The following CNTN5 variants were observed in gnomAD, a reference collection of about 807,000 sequenced individuals.
The protein encoded by CNTN5 is contactin 5.
In CNTN5, 77 loss-of-function variants were observed where a neutral mutation model predicts 129.1. The ratio of observed to expected loss-of-function variants is 0.60; its 90% CI spans 0.50 to 0.72. CNTN5 has a LOEUF of 0.72. Among genes scored for constraint, CNTN5 ranks in the 30% least tolerant of loss-of-function variants. The probability of loss-of-function intolerance (pLI) is 0.00; values close to 1 mark genes in which losing one functional copy is unlikely to be tolerated. For missense variants in CNTN5, 1,478 were observed against 1,328.8 expected (o/e 1.11, Z -1.75); for synonymous variants, 509 against 465.6 (o/e 1.09, Z -1.20).
intron 3 of CNTN5, among the ~76,000 whole-genome samples, chr11:99,803,580 G>A (rs1946178807): frequency 6.6e-6 from 1 of 152,178 alleles, no homozygotes; most frequent in Admixed American, 6.5e-5. Flanking sequence ...TTTTGCTGGT[G>A]TCTTTTCCTG....
intron 1 of CNTN5, among the ~76,000 whole-genome samples, chr11:99,198,579 A>G (rs1205360950): frequency 2.6e-5 from 4 of 152,162 alleles, no homozygotes; most frequent in East Asian, 1.9e-4. Context: ...TTAACAACAA[A>G]AAAAGAAAAG....
chr11:99,416,079 G>A (rs193282828), intron 2 of CNTN5, among the ~76,000 whole-genome samples: 79 of 152,268 alleles, frequency 5.2e-4, no homozygotes, highest in African/African-American at 1.8e-3. Flanking sequence ...TTCAGTGGCA[G>A]CTCACTGGCA....
intron 4 of CNTN5, among the ~76,000 whole-genome samples, chr11:99,827,252 T>C (rs1041363835): frequency 1.3e-5 from 2 of 152,106 alleles, no homozygotes; most frequent in African/African-American, 4.8e-5. Context: ...CACACTCAGC[T>C]AATTTTTGTG....
At chr11:99,844,673 G>A in intron 4 of CNTN5, 179 bp from the exon 5 acceptor site, 1 of 594,734 alleles carries the variant, frequency 1.7e-6, no homozygotes, top group African/African-American at 1.9e-5. Context: ...AATTATATTT[G>A]GTTCTTTACA....
chr11:100,230,160 A>T (rs887193486), intron 16 of CNTN5, among the ~76,000 whole-genome samples: 1 of 152,226 alleles, frequency 6.6e-6, no homozygotes, highest in Non-Finnish European at 1.5e-5. Context: ...ATTATTTTTC[A>T]ATATTTTTGA....
chr11:99,639,848 G>A (rs1395240746), intron 3 of CNTN5, among the ~76,000 whole-genome samples: 3 of 152,060 alleles, frequency 2.0e-5, no homozygotes, highest in African/African-American at 7.2e-5. Flanking sequence ...ACCGGTGTGA[G>A]CCACCACGTC....
rs562839890 is a variant in CNTN5 at position 100,250,003 on chromosome 11, G to A, written c.2006-5757G>A. 7.2e-5 allele frequency among the ~76,000 whole-genome samples: 11 copies of A among 152,034 alleles called. No homozygotes were observed. In the East Asian group the frequency reaches 1.4e-3, roughly 19 times the overall value. Reference sequence around the variant, plus strand: ...TAATGTCTCTTAGAAGGTAAATCACGCTGCCAATTATTCAGAATATCTGTA... The same window carrying A: ...TAATGTCTCTTAGAAGGTAAATCACACTGCCAATTATTCAGAATATCTGTA... On this transcript the variant is annotated intron_variant, in intron 16 of 24. Transcript: ENST00000524871.
chr11:99,762,835 C>G (rs1386971006), intron 3 of CNTN5, among the ~76,000 whole-genome samples: 9 of 152,076 alleles, frequency 5.9e-5, no homozygotes, highest in African/African-American at 1.9e-4. Context: ...AAGTGGTAGG[C>G]AGACAGAAAG....
chr11:99,255,225 G>A lies in CNTN5; in HGVS notation c.-209-70121G>A, dbSNP rs74578610. ...ATGCCAGAAAAGAGTTAATGATTTG[G>A]GGATGATTATTTTTAAAATATATCC... is the stretch of plus-strand genomic sequence containing the variant. On this transcript the variant is annotated intron_variant, in intron 1 of 24. Transcript: ENST00000524871. Among the ~76,000 whole-genome samples the A allele has an allele frequency of 4.7e-3, 716 of 151,724 alleles. 14 individuals are homozygous for A. The East Asian group carries it at 0.064, about 14-fold the overall frequency.
intron 1 of CNTN5, among the ~76,000 whole-genome samples, chr11:99,037,576 C>CTTT (rs1161467398): frequency 0.022 from 2,363 of 105,576 alleles, 130 homozygotes; most frequent in African/African-American, 0.073. Flanking sequence ...TTTTTCTTTT[C>CTTT]TTTTTTTTTT....
At chr11:99,812,870 T>C (rs562576671) in intron 3 of CNTN5, among the ~76,000 whole-genome samples, 1 of 152,286 alleles carries the variant, frequency 6.6e-6, no homozygotes, top group East Asian at 1.9e-4. Context: ...TTGGCAAGTT[T>C]TCATTCAAAG....
At chr11:100,203,852 C>G (rs1243868233) in intron 15 of CNTN5, among the ~76,000 whole-genome samples, 2 of 140,904 alleles carry the variant, frequency 1.4e-5, no homozygotes, top group Non-Finnish European at 3.1e-5. Context: ...TTGGATCTAA[C>G]TCCAGCCTAC....
At chr11:99,283,192 ACT>A (rs1349633784) in intron 1 of CNTN5, among the ~76,000 whole-genome samples, 9 of 151,976 alleles carry the variant, frequency 5.9e-5, no homozygotes, top group Non-Finnish European at 1.2e-4. Flanking sequence ...AATGACTCTT[ACT>A]CTCTCAGTCC....
intron 15 of CNTN5, among the ~76,000 whole-genome samples, chr11:100,206,164 C>T (rs1339887714): frequency 6.6e-6 from 1 of 152,022 alleles, no homozygotes; most frequent in Admixed American, 6.6e-5. Flanking sequence ...GGGCAGACTT[C>T]CTAAACCAAA....
intron 1 of CNTN5, among the ~76,000 whole-genome samples, chr11:99,038,739 AAG>A (rs892803703): frequency 3.2e-4 from 49 of 151,808 alleles, no homozygotes; most frequent in African/African-American, 1.0e-3. Flanking sequence ...TTAACACAAA[AAG>A]AAGGATATAT....
intron 2 of CNTN5, among the ~76,000 whole-genome samples, chr11:99,409,464 C>A (rs951791905): frequency 6.6e-6 from 1 of 152,034 alleles, no homozygotes; most frequent in Non-Finnish European, 1.5e-5. Flanking sequence ...GAGCGAGATT[C>A]CGTCTCAAAA....
intron 1 of CNTN5, among the ~76,000 whole-genome samples, chr11:99,057,493 A>G (rs748481636): frequency 1.3e-5 from 2 of 151,848 alleles, no homozygotes; most frequent in Non-Finnish European, 2.9e-5. Flanking sequence ...TTATCCTACA[A>G]GTATGTCTAG....
intron 13 of CNTN5, among the ~76,000 whole-genome samples, chr11:100,130,069 G>A (rs10501946): frequency 0.049 from 7,454 of 152,120 alleles, 407 homozygotes; most frequent in African/African-American, 0.13. Context: ...AAATAAGCAA[G>A]TAACCTCTGT....
chr11:99,433,371 ATGTGTGT>A (rs754390478), intron 2 of CNTN5, among the ~76,000 whole-genome samples: 27,233 of 140,898 alleles, frequency 0.19, 2,825 homozygotes, highest in East Asian at 0.42. Context: ...TAAAAAAAAA[ATGTGTGT>A]GTGTGTGTGT....
Sources: allele counts gnomAD v4.1 joint callset (sites outside exome capture counted in the v4.1 genomes callset), GRCh38; gene constraint gnomAD v4.1.1; transcripts MANE v1.5; gene names NCBI Gene and HGNC (gene_info 2026-07-23, HGNC 2026-07-21).